GRAMD1B: variants seen among roughly 807,000 people sequenced by gnomAD.
GRAMD1B encodes GRAM domain containing 1B.
GRAMD1B carries 37 observed loss-of-function variants against 99.7 expected under a neutral mutation model. That is an observed-to-expected ratio of 0.37 (90% CI 0.29 to 0.49). The LOEUF is 0.49. GRAMD1B is among the 20% of genes least tolerant of loss of function. GRAMD1B has a pLI of 0.98. For synonymous variants in GRAMD1B, 427 were observed against 387.6 expected, an observed-to-expected ratio of 1.10 and a Z score of -1.19; for missense variants, 888 against 1,009.2, an observed-to-expected ratio of 0.88 and a Z score of 1.63.
intron 1 of GRAMD1B, among the ~76,000 whole-genome samples, chr11:123,423,359 C>T (rs1016695687): frequency 1.3e-5 from 2 of 151,942 alleles, no homozygotes; most frequent in Non-Finnish European, 2.9e-5. Context: ...CTCCTCTTCT[C>T]TTCTCTCTCT....
At chr11:123,526,530 G>T (rs368511864) in intron 2 of GRAMD1B, among the ~76,000 whole-genome samples, 2 of 152,196 alleles carry the variant, frequency 1.3e-5, no homozygotes, top group South Asian at 4.1e-4. Flanking sequence ...GGTGTTGTGC[G>T]TCTGCATCAG....
intron 2 of GRAMD1B, among the ~76,000 whole-genome samples, chr11:123,522,280 G>T (rs1942261524): frequency 6.6e-6 from 1 of 152,138 alleles, no homozygotes; most frequent in Non-Finnish European, 1.5e-5. Context: ...GCACTTCAAT[G>T]TCTCTTCAAA....
chr11:123,434,804 T>G (rs1005187734), intron 1 of GRAMD1B, among the ~76,000 whole-genome samples: 1 of 152,176 alleles, frequency 6.6e-6, no homozygotes, highest in Admixed American at 6.5e-5. Context: ...AAAATAGAAT[T>G]GGCATTTAGA....
chr11:123,409,054 G>C (rs568539299), intron 1 of GRAMD1B, among the ~76,000 whole-genome samples: 242 of 152,238 alleles, frequency 1.6e-3, no homozygotes, highest in African/African-American at 5.3e-3. Flanking sequence ...AAGAACAATA[G>C]GAAAAGAAAT....
At chr11:123,589,386 C>T (rs1419711553) in intron 4 of GRAMD1B, among the ~76,000 whole-genome samples, 1 of 151,692 alleles carries the variant, frequency 6.6e-6, no homozygotes, top group African/African-American at 2.4e-5. Context: ...AGGAGTCAGA[C>T]TCTTCTACTT....
chr11:123,476,321 G>A (rs918862732), intron 1 of GRAMD1B, among the ~76,000 whole-genome samples: 2 of 152,034 alleles, frequency 1.3e-5, no homozygotes, highest in African/African-American at 2.4e-5. Context: ...GGCTGGTCTC[G>A]AACTCCTTAC....
chr11:123,570,415 T>C (rs995905115), intron 2 of GRAMD1B, among the ~76,000 whole-genome samples: 3 of 91,744 alleles, frequency 3.3e-5, no homozygotes, highest in Admixed American at 1.1e-4. Flanking sequence ...TTATTTTTTT[T>C]CTTTTCTTTT....
intron 2 of GRAMD1B, among the ~76,000 whole-genome samples, chr11:123,484,565 T>C (rs1354440105): frequency 6.6e-6 from 1 of 152,086 alleles, no homozygotes; most frequent in East Asian, 1.9e-4. Flanking sequence ...CTCTTTATGG[T>C]GGATGGGGAT....
chr11:123,360,594 G>A (rs1395266772), intron 1 of GRAMD1B, among the ~76,000 whole-genome samples: 1 of 152,116 alleles, frequency 6.6e-6, no homozygotes, highest in Non-Finnish European at 1.5e-5. Context: ...TGATAGTGTT[G>A]GAAGGAAACC....
chr11:123,396,294 A>T (rs1414044421), intron 1 of GRAMD1B, among the ~76,000 whole-genome samples: 6 of 125,570 alleles, frequency 4.8e-5, no homozygotes, highest in African/African-American at 1.3e-4. Flanking sequence ...TTTTTTTTTG[A>T]GACAGAGCTT....
chr11:123,364,316 T>C (rs758676128), intron 1 of GRAMD1B, among the ~76,000 whole-genome samples: 7 of 152,214 alleles, frequency 4.6e-5, no homozygotes, highest in Non-Finnish European at 8.8e-5. Context: ...ACAGGCTTAC[T>C]AGCCAGAGAC....
chr11:123,383,115 T>C (rs191202930), intron 1 of GRAMD1B, among the ~76,000 whole-genome samples: 410 of 152,144 alleles, frequency 2.7e-3, no homozygotes, highest in Non-Finnish European at 4.7e-3. Flanking sequence ...TAATGGTAGG[T>C]CGGGTAAAAT....
In GRAMD1B at chr11:123,374,846, G is replaced by A. The variant is rs564741349; in HGVS notation, c.-176+16047G>A. On this transcript the variant is annotated intron_variant, in intron 1 of 20. Coordinates refer to the GRAMD1B transcript ENST00000638157. ...TGCCATGAGGCAGGGGCAGTGTGGC[G>A]TCTGTCTTCCCCAATGTCACAAAAA... Among the ~76,000 whole-genome samples the A allele has an allele frequency of 1.1e-4, 17 of 152,278 alleles. No individual in the cohort carries two copies. The South Asian group carries it at 3.3e-3, about 30-fold the overall frequency.
At chr11:123,613,266 A>T in intron 15 of GRAMD1B, 189 bp from the exon 16 acceptor site, 2 of 593,384 alleles carry the variant, frequency 3.4e-6, no homozygotes, top group Non-Finnish European at 3.0e-6. Context: ...TGCAATGTTG[A>T]ACAACCCCAG....
intron 1 of GRAMD1B, among the ~76,000 whole-genome samples, chr11:123,460,809 G>T (rs990919758): frequency 6.6e-6 from 1 of 152,116 alleles, no homozygotes; most frequent in Non-Finnish European, 1.5e-5. Context: ...GAGGTCACTA[G>T]AGCGGTTGGT....
intron 1 of GRAMD1B, among the ~76,000 whole-genome samples, chr11:123,475,020 A>G (rs1175097204): frequency 6.6e-6 from 1 of 152,166 alleles, no homozygotes; most frequent in Non-Finnish European, 1.5e-5. Flanking sequence ...TGGAAGAGAA[A>G]GAGCTGTTTC....
chr11:123,606,817 G>A lies in GRAMD1B; in HGVS notation c.1513+19G>A, dbSNP rs1442544672. On this transcript the variant is annotated intron_variant, in intron 11 of 19. Transcript: ENST00000635736. ...GATGAAGGTGGGCATTTGAAAATGG[G>A]TCTGGAGTGGCCCTTGCTCTGTTTT... 2 of 1,601,390 alleles carry A rather than the reference G, an allele frequency of 1.2e-6. No individual in the cohort carries two copies. The highest frequency in any genetic ancestry group is 4.5e-5 in the East Asian group (2 of 44,802).
intron 1 of GRAMD1B, among the ~76,000 whole-genome samples, chr11:123,457,925 A>T (rs1010219061): frequency 1.7e-4 from 26 of 152,126 alleles, no homozygotes; most frequent in Admixed American, 3.9e-4. Flanking sequence ...TATGTTATCC[A>T]AGGTGGTCTT....
intron 7 of GRAMD1B, among the ~76,000 whole-genome samples, chr11:123,597,305 A>G (rs1436334955): frequency 8.9e-6 from 1 of 112,664 alleles, no homozygotes; most frequent in Admixed American, 1.2e-4. Context: ...GGCTCTCACT[A>G]TGTTACCTAG....
Sources: gnomAD v4.1 joint callset for allele counts (sites outside exome capture counted in the v4.1 genomes callset) on GRCh38, gnomAD v4.1.1 for gene constraint, MANE v1.5 for transcripts, NCBI Gene and HGNC (gene_info 2026-07-23, HGNC 2026-07-21) for gene names.